Variants in RPS6KC1 observed in about 807,000 individuals in gnomAD.
RPS6KC1 encodes the protein ribosomal protein S6 kinase C1.
In RPS6KC1, 54 loss-of-function variants were observed where a neutral mutation model predicts 103.8. The observed-to-expected ratio is 0.52, with a 90% CI of 0.42 to 0.65. The LOEUF is 0.65. RPS6KC1 is among the 30% of genes least tolerant of loss of function. RPS6KC1 has a pLI of 0.00. For synonymous variants in RPS6KC1, 439 were observed against 438.7 expected (o/e 1.00, Z -0.01); for missense variants, 1,151 against 1,253.8 (o/e 0.92, Z 1.24).
chr1:213,523,800 C>G, the RPS6KC1 span, among the ~76,000 whole-genome samples: 209 of 152,328 alleles, frequency 1.4e-3, no homozygotes, highest in African/African-American at 4.8e-3. Flanking sequence ...TGAAAACCTG[C>G]ACCCCGATCT....
At chr1:213,317,645 G>A in the RPS6KC1 span, among the ~76,000 whole-genome samples, 1 of 152,242 alleles carries the variant, frequency 6.6e-6, no homozygotes, top group Non-Finnish European at 1.5e-5. Flanking sequence ...CAGGTAGGAA[G>A]TGCCATATTA....
At chr1:213,260,812 C>T (rs893064121) in intron 12 of RPS6KC1, among the ~76,000 whole-genome samples, 1 of 149,660 alleles carries the variant, frequency 6.7e-6, no homozygotes, top group Non-Finnish European at 1.5e-5. Flanking sequence ...GTGCAGGAAC[C>T]TGAAAGATGA....
chr1:213,451,643 AG>A, the RPS6KC1 span, among the ~76,000 whole-genome samples: 1 of 152,218 alleles, frequency 6.6e-6, no homozygotes, highest in East Asian at 1.9e-4. Context: ...CATCTCCATG[AG>A]GCTAAGCTCC....
chr1:213,407,952 A>G, the RPS6KC1 span, among the ~76,000 whole-genome samples: 23 of 152,334 alleles, frequency 1.5e-4, no homozygotes, highest in African/African-American at 5.5e-4. Flanking sequence ...AGCCTGACAC[A>G]TAATAGATGC....
At chr1:213,679,817 C>T in the RPS6KC1 span, among the ~76,000 whole-genome samples, 5 of 152,176 alleles carry the variant, frequency 3.3e-5, no homozygotes, top group Non-Finnish European at 7.3e-5. Context: ...CTCATGAAAT[C>T]AACTTTATGA....
chr1:213,630,287 C>G, the RPS6KC1 span, among the ~76,000 whole-genome samples: 1 of 152,130 alleles, frequency 6.6e-6, no homozygotes, highest in African/African-American at 2.4e-5. Context: ...TCTTTTTATT[C>G]TTTTTTCTCT....
the RPS6KC1 span, among the ~76,000 whole-genome samples, chr1:213,836,981 A>G: frequency 6.6e-6 from 1 of 152,336 alleles, no homozygotes; most frequent in South Asian, 2.1e-4. Flanking sequence ...TAGCCTGAGA[A>G]TGGAGAGAAC....
the RPS6KC1 span, among the ~76,000 whole-genome samples, chr1:213,457,106 G>T: frequency 6.6e-6 from 1 of 152,184 alleles, no homozygotes; most frequent in Admixed American, 6.5e-5. Flanking sequence ...GAGGGGAGAG[G>T]TCACCCTATA....
intron 7 of RPS6KC1, among the ~76,000 whole-genome samples, chr1:213,174,772 G>T (rs979433993): frequency 2.0e-5 from 3 of 151,378 alleles, no homozygotes; most frequent in South Asian, 2.1e-4. Context: ...CCCTAAAAAG[G>T]TTCCCCTTAG....
chr1:213,602,105 TTTC>T, the RPS6KC1 span, among the ~76,000 whole-genome samples: 1 of 37,572 alleles, frequency 2.7e-5, no homozygotes, highest in African/African-American at 1.3e-4. Flanking sequence ...TCTTTCTTTC[TTTC>T]TTTCTTTCTT....
the RPS6KC1 span, among the ~76,000 whole-genome samples, chr1:213,298,379 C>A: frequency 2.6e-5 from 4 of 152,142 alleles, no homozygotes; most frequent in Admixed American, 1.3e-4. Context: ...CTTTGGCCAA[C>A]CCTTTATTTT....
At chr1:213,105,249 A>G (rs1211185957) in intron 4 of RPS6KC1, among the ~76,000 whole-genome samples, 1 of 146,554 alleles carries the variant, frequency 6.8e-6, no homozygotes, top group Non-Finnish European at 1.5e-5. Context: ...TTTTAATAAT[A>G]ATTTTCTAAC....
chr1:213,665,183 CTG>C, the RPS6KC1 span, among the ~76,000 whole-genome samples: 1 of 147,492 alleles, frequency 6.8e-6, no homozygotes, highest in Admixed American at 6.8e-5. Context: ...ATAAATAAAA[CTG>C]TGGAAACAAG....
chr1:213,738,837 A>AAAATAAAT, the RPS6KC1 span, among the ~76,000 whole-genome samples: 7,055 of 143,366 alleles, frequency 0.049, 276 homozygotes, highest in African/African-American at 0.11. Flanking sequence ...TCTACTCTAA[A>AAAATAAAT]AAATAAATAA....
At chr1:213,735,640 A>G in the RPS6KC1 span, among the ~76,000 whole-genome samples, 4 of 152,220 alleles carry the variant, frequency 2.6e-5, no homozygotes, top group Non-Finnish European at 4.4e-5. Flanking sequence ...TAATCCTTTT[A>G]CCATCTTATC....
the RPS6KC1 span, among the ~76,000 whole-genome samples, chr1:213,369,111 A>G: frequency 1.3e-5 from 2 of 152,154 alleles, no homozygotes; most frequent in Non-Finnish European, 2.9e-5. Context: ...AATTGATCCA[A>G]AGTTTTCTTC....
In RPS6KC1 at chr1:213,084,481, C is replaced by T. The variant is rs1286842010; in HGVS notation, c.262+6665C>T. Among the ~76,000 whole-genome samples, 3 of 152,180 alleles carry T rather than the reference C, an allele frequency of 2.0e-5. No individual in the cohort carries two copies. The East Asian group carries it at 5.8e-4, about 29-fold the overall frequency. ...CCAAATTATATTCCAAATTTCATGT[C>T]CCTTTACTCCTAAGCACTTCAGTTC... On this transcript the variant is annotated intron_variant, in intron 3 of 14. Transcript: ENST00000366960.
chr1:213,239,459 A>C lies in RPS6KC1; in HGVS notation c.1226-1243A>C, dbSNP rs544821516. Among the ~76,000 whole-genome samples, 3 of 152,284 alleles carry C rather than the reference A, an allele frequency of 2.0e-5. No homozygotes were observed. In the East Asian group the frequency reaches 5.8e-4, roughly 29 times the overall value. ...TTAGCCTTTATTGAGCATTTATTCT[A>C]TGCTAGGTACCATGTCAGGTGCTAT... On this transcript the variant is annotated intron_variant, in intron 10 of 14. Transcript: ENST00000366960.
the RPS6KC1 span, chr1:213,832,507 T>C: frequency 6.6e-6 from 1 of 152,248 alleles, no homozygotes; most frequent in Non-Finnish European, 1.5e-5. Flanking sequence ...ACTGAGTTGT[T>C]CTCTCCAGAC....
Sources: allele counts gnomAD v4.1 joint callset (sites outside exome capture counted in the v4.1 genomes callset), GRCh38; gene constraint gnomAD v4.1.1; transcripts MANE v1.5; gene names NCBI Gene and HGNC (gene_info 2026-07-23, HGNC 2026-07-21).